LHFPL3: variants seen among roughly 807,000 people sequenced by gnomAD.
LHFPL3 encodes the protein LHFPL tetraspan subfamily member 3 protein.
Under a neutral mutation model 19.3 loss-of-function variants are expected in LHFPL3, and 5 were observed. That is an observed-to-expected ratio of 0.26 (90% CI 0.14 to 0.54). The LOEUF (loss-of-function observed/expected upper bound fraction) is 0.54, where lower values mean the gene tolerates loss of function less well. Ranked by LOEUF, LHFPL3 falls within the 20% of genes least tolerant of loss-of-function variation. The pLI is 0.94. For missense variants in LHFPL3, 249 were observed against 307.4 expected (o/e 0.81, Z 1.42); for synonymous variants, 133 against 126.2 (o/e 1.05, Z -0.36).
intron 1 of LHFPL3, among the ~76,000 whole-genome samples, chr7:104,629,058 T>G (rs1326201878): frequency 6.6e-6 from 1 of 152,244 alleles, no homozygotes; most frequent in Non-Finnish European, 1.5e-5. Flanking sequence ...CAATTTTGTT[T>G]GGATATTATT....
At chr7:104,773,501 T>C (rs956434322) in intron 2 of LHFPL3, among the ~76,000 whole-genome samples, 12 of 152,212 alleles carry the variant, frequency 7.9e-5, no homozygotes, top group Non-Finnish European at 4.4e-5. Flanking sequence ...TGGAGAAGCA[T>C]AGAGATTCTG....
intron 1 of LHFPL3, among the ~76,000 whole-genome samples, chr7:104,643,990 G>A (rs374549355): frequency 6.6e-5 from 10 of 152,144 alleles, no homozygotes; most frequent in African/African-American, 2.2e-4. Context: ...CATCATTAAC[G>A]GATGTCAACT....
chr7:104,609,319 G>T (rs914580592), intron 1 of LHFPL3, among the ~76,000 whole-genome samples: 8 of 151,926 alleles, frequency 5.3e-5, no homozygotes, highest in Non-Finnish European at 1.2e-4. Context: ...TATCTTAATG[G>T]GGATTTAAAC....
At chr7:104,453,773 T>C (rs916311290) in intron 1 of LHFPL3, among the ~76,000 whole-genome samples, 2 of 152,118 alleles carry the variant, frequency 1.3e-5, no homozygotes, top group Non-Finnish European at 2.9e-5. Flanking sequence ...CTCTGAGTTC[T>C]CATGAGATCT....
chr7:104,587,092 C>A (rs942019561), intron 1 of LHFPL3, among the ~76,000 whole-genome samples: 16 of 151,552 alleles, frequency 1.1e-4, no homozygotes, highest in African/African-American at 3.6e-4. Context: ...TTCATTTAGC[C>A]TGTTTTTTTA....
At chr7:104,505,008 A>ATG (rs1793669619) in intron 1 of LHFPL3, among the ~76,000 whole-genome samples, 1 of 146,128 alleles carries the variant, frequency 6.8e-6, no homozygotes, top group African/African-American at 2.6e-5. Flanking sequence ...TATACTATAT[A>ATG]CATGCATATA....
At chr7:104,822,366 A>T (rs1473884744) in intron 2 of LHFPL3, among the ~76,000 whole-genome samples, 1 of 152,232 alleles carries the variant, frequency 6.6e-6, no homozygotes, top group Non-Finnish European at 1.5e-5. Flanking sequence ...GTAAAAAAGC[A>T]GTCCCTGAAA....
intron 1 of LHFPL3, among the ~76,000 whole-genome samples, chr7:104,339,498 G>A (rs1789905133): frequency 6.6e-6 from 1 of 152,176 alleles, no homozygotes; most frequent in African/African-American, 2.4e-5. Flanking sequence ...GTCTGAGAGA[G>A]ATTCAGAGTC....
At chr7:104,581,551 C>G (rs572289824) in intron 1 of LHFPL3, among the ~76,000 whole-genome samples, 7 of 152,040 alleles carry the variant, frequency 4.6e-5, no homozygotes, top group Non-Finnish European at 7.4e-5. Context: ...CTACTATGCA[C>G]TGTGTCTGTT....
intron 1 of LHFPL3, among the ~76,000 whole-genome samples, chr7:104,637,627 T>C (rs986116242): frequency 1.3e-5 from 2 of 152,220 alleles, no homozygotes; most frequent in African/African-American, 2.4e-5. Context: ...GCACCACTTA[T>C]TGAATAGGGA....
chr7:104,350,812 G>T (rs1790158648), intron 1 of LHFPL3, among the ~76,000 whole-genome samples: 7 of 152,182 alleles, frequency 4.6e-5, no homozygotes, highest in Admixed American at 4.6e-4. Flanking sequence ...GGCCGAGGTG[G>T]GTGAATTCCC....
chr7:104,426,785 G>C (rs1791856074), intron 1 of LHFPL3, among the ~76,000 whole-genome samples: 1 of 152,076 alleles, frequency 6.6e-6, no homozygotes, highest in Admixed American at 6.5e-5. Context: ...TTGCATTGGT[G>C]AGTTAAAAGG....
intron 1 of LHFPL3, among the ~76,000 whole-genome samples, chr7:104,553,735 C>A (rs1410185383): frequency 2.0e-5 from 3 of 152,190 alleles, no homozygotes; most frequent in Non-Finnish European, 2.9e-5. Context: ...TCACACCCTA[C>A]AAATAAGCAA....
At chr7:104,374,463 A>G (rs1790671545) in intron 1 of LHFPL3, among the ~76,000 whole-genome samples, 1 of 152,084 alleles carries the variant, frequency 6.6e-6, no homozygotes. Context: ...AATGGTCTCA[A>G]TCTCTTGACC....
rs117249189 is a variant in LHFPL3 at position 104,775,840 on chromosome 7, G to A, written c.682+38929G>A. Among the ~76,000 whole-genome samples the A allele has an allele frequency of 1.3e-3, 150 of 117,434 alleles. 1 individual carries two copies. Among genetic ancestry groups the A allele is most frequent in the Non-Finnish European group, 2.1e-3 (118 of 57,450 alleles). The allele number at this position is 117,434 out of a possible 152,430, so 77.0% of individuals were successfully genotyped here. A position where few individuals can be genotyped will look rare whatever the true frequency, so the allele number is the denominator to read the frequency against. On this transcript the variant is annotated intron_variant, in intron 2 of 2. Transcript: ENST00000424859. The stretch of plus-strand genomic sequence containing the variant: ...GTTTCTTCTTCTAGGTTCCCTGGGA[G>A]TTCTTTTCTGTCTTTTTTTTTTTTC...
At chr7:104,642,805 A>T (rs1381581679) in intron 1 of LHFPL3, among the ~76,000 whole-genome samples, 1 of 152,216 alleles carries the variant, frequency 6.6e-6, no homozygotes, top group Non-Finnish European at 1.5e-5. Flanking sequence ...TGGAAGCCTA[A>T]GCCCCTGAAG....
intron 2 of LHFPL3, among the ~76,000 whole-genome samples, chr7:104,774,822 T>C (rs1279685251): frequency 6.6e-6 from 1 of 152,242 alleles, no homozygotes; most frequent in East Asian, 1.9e-4. Flanking sequence ...AGGAGCATGC[T>C]GGATTAAAGG....
chr7:104,588,599 G>A (rs1482154277), intron 1 of LHFPL3, among the ~76,000 whole-genome samples: 1 of 152,164 alleles, frequency 6.6e-6, no homozygotes, highest in East Asian at 1.9e-4. Flanking sequence ...TGGCAATGCA[G>A]GCTCTTTTTT....
chr7:104,423,277 A>G (rs1015361661), intron 1 of LHFPL3, among the ~76,000 whole-genome samples: 2 of 152,174 alleles, frequency 1.3e-5, no homozygotes, highest in Non-Finnish European at 2.9e-5. Flanking sequence ...ATGGAAGTAC[A>G]TAAGTGGGTC....
Sources: allele counts gnomAD v4.1 joint callset (sites outside exome capture counted in the v4.1 genomes callset), GRCh38; gene constraint gnomAD v4.1.1; transcripts MANE v1.5; gene names NCBI Gene and HGNC (gene_info 2026-07-23, HGNC 2026-07-21).